The following PTPRD variants were observed in gnomAD, a reference collection of about 807,000 sequenced individuals.
The protein encoded by PTPRD is receptor-type tyrosine-protein phosphatase delta.
In PTPRD, 34 loss-of-function variants were observed where a neutral mutation model predicts 214.5. The ratio of observed to expected loss-of-function variants is 0.16; its 90% confidence interval spans 0.12 to 0.21. The LOEUF is 0.21. PTPRD is among the 10% of genes least tolerant of loss of function. The pLI is 1.00. For missense variants in PTPRD, 2,545 were observed against 2,398.7 expected (o/e 1.06, Z -1.27); for synonymous variants, 1,128 against 845.7 (o/e 1.33, Z -5.79).
At chr9:9,601,204 T>C (rs1010237523) in intron 7 of PTPRD, among the ~76,000 whole-genome samples, 4 of 150,888 alleles carry the variant, frequency 2.7e-5, no homozygotes, top group Non-Finnish European at 4.4e-5. Context: ...TGGAATTCAG[T>C]AATTAACTTG....
chr9:8,397,965 T>G (rs1156746085), intron 36 of PTPRD, among the ~76,000 whole-genome samples: 2 of 152,168 alleles, frequency 1.3e-5, no homozygotes, highest in Non-Finnish European at 2.9e-5. Context: ...TTGCCCCTGT[T>G]GAAATCTGTA....
chr9:8,799,398 G>T (rs778515121), intron 11 of PTPRD, among the ~76,000 whole-genome samples: 1 of 152,228 alleles, frequency 6.6e-6, no homozygotes, highest in Non-Finnish European at 1.5e-5. Context: ...GAAGTTCTTT[G>T]AAGTTTCCCT....
chr9:8,745,913 T>G (rs2092743937), intron 11 of PTPRD, among the ~76,000 whole-genome samples: 1 of 152,102 alleles, frequency 6.6e-6, no homozygotes, highest in East Asian at 1.9e-4. Flanking sequence ...TCCTCCCGCC[T>G]CTACCCCCAG....
chr9:10,603,571 G>C (rs2133453876), intron 2 of PTPRD, among the ~76,000 whole-genome samples: 1 of 151,988 alleles, frequency 6.6e-6, no homozygotes. Context: ...TAACCTCTAT[G>C]TGCTTTAGTT....
At chr9:9,275,102 A>AATATATTATATATATATT (rs1944668516) in intron 9 of PTPRD, among the ~76,000 whole-genome samples, 1 of 60,706 alleles carries the variant, frequency 1.6e-5, no homozygotes, top group Non-Finnish European at 3.1e-5. Context: ...TTATATATAT[A>AATATATTATATATATATT]ATATATTATA....
At chr9:10,208,337 AC>A (rs1272268952) in intron 3 of PTPRD, among the ~76,000 whole-genome samples, 2 of 152,126 alleles carry the variant, frequency 1.3e-5, no homozygotes, top group Admixed American at 6.6e-5. Flanking sequence ...ACACGGTGAA[AC>A]CCCGTCTCTA....
intron 3 of PTPRD, among the ~76,000 whole-genome samples, chr9:10,151,095 T>C (rs536328083): frequency 7.0e-6 from 1 of 142,524 alleles, no homozygotes; most frequent in Admixed American, 7.3e-5. Flanking sequence ...AGAGTCTTGC[T>C]CTGTTACCAG....
intron 11 of PTPRD, among the ~76,000 whole-genome samples, chr9:8,791,461 C>G (rs938178189): frequency 6.7e-6 from 1 of 150,262 alleles, no homozygotes; most frequent in Non-Finnish European, 1.5e-5. Context: ...CCTGACCTCA[C>G]GATCTGCCCA....
chr9:10,598,743 G>C (rs2077252546), intron 2 of PTPRD, among the ~76,000 whole-genome samples: 1 of 148,984 alleles, frequency 6.7e-6, no homozygotes, highest in Admixed American at 6.7e-5. Context: ...TAGATGGATA[G>C]ACAGAGAGGT....
chr9:10,149,779 G>A (rs1025723313), intron 3 of PTPRD, among the ~76,000 whole-genome samples: 6 of 149,874 alleles, frequency 4.0e-5, no homozygotes, highest in African/African-American at 1.5e-4. Flanking sequence ...CGTCCAGGCT[G>A]GAGTGCGGTG....
intron 7 of PTPRD, among the ~76,000 whole-genome samples, chr9:9,718,931 C>T (rs894472758): frequency 6.6e-6 from 1 of 152,156 alleles, no homozygotes; most frequent in Non-Finnish European, 1.5e-5. Context: ...CAGACAGGTT[C>T]CTAAGTGGGA....
intron 7 of PTPRD, among the ~76,000 whole-genome samples, chr9:9,692,638 G>GTT (rs869152689): frequency 1.1e-5 from 1 of 89,156 alleles, no homozygotes. Context: ...TAAATTTTAA[G>GTT]TTTTTTTTTT....
chr9:8,513,618 G>A (rs954937854), intron 21 of PTPRD, among the ~76,000 whole-genome samples: 2 of 152,038 alleles, frequency 1.3e-5, no homozygotes, highest in Admixed American at 6.6e-5. Flanking sequence ...GAGAAAAATT[G>A]CAGTGAAAAT....
At chr9:9,115,494 A>G (rs951244560) in intron 10 of PTPRD, among the ~76,000 whole-genome samples, 25 of 152,174 alleles carry the variant, frequency 1.6e-4, no homozygotes, top group Non-Finnish European at 3.2e-4. Context: ...GCTTGCATGA[A>G]TGAAGTGAAA....
rs1268907694 is a variant in PTPRD at position 8,376,780 on chromosome 9, AC to A, written c.4387-55del. The A allele has an allele frequency of 5.6e-6, 9 of 1,602,258 alleles. No individual in the cohort carries two copies. The African/African-American group carries it at 1.2e-4, about 22-fold the overall frequency. On this transcript the variant is annotated intron_variant, in intron 37 of 45. Coordinates refer to ENST00000381196, the MANE Select transcript of PTPRD (RefSeq NM_002839.4). The stretch of plus-strand genomic sequence containing the variant: ...CAAATGCTCATCAATTTCTCTATTA[AC>A]TTTGCTTTGAGTTGCTGTTGAAGGA...
chr9:10,121,786 T>C (rs1178834720), intron 3 of PTPRD, among the ~76,000 whole-genome samples: 1 of 152,110 alleles, frequency 6.6e-6, no homozygotes, highest in Non-Finnish European at 1.5e-5. Context: ...GTAGGTACCA[T>C]CCTGTTTCCA....
chr9:9,456,598 T>C (rs2093037085), intron 8 of PTPRD, among the ~76,000 whole-genome samples: 1 of 151,888 alleles, frequency 6.6e-6, no homozygotes, highest in African/African-American at 2.4e-5. Flanking sequence ...ACTATTAGCC[T>C]CTAACTATCA....
chr9:10,279,169 TCC>T (rs1377238669), intron 3 of PTPRD, among the ~76,000 whole-genome samples: 2 of 151,652 alleles, frequency 1.3e-5, no homozygotes, highest in Admixed American at 1.3e-4. Context: ...AATTCATCCC[TCC>T]ACTCTTGTCA....
At chr9:9,125,852 T>C (rs2099830985) in intron 10 of PTPRD, among the ~76,000 whole-genome samples, 1 of 151,982 alleles carries the variant, frequency 6.6e-6, no homozygotes, top group African/African-American at 2.4e-5. Flanking sequence ...TGGGGTAAAG[T>C]TGTTTTAGGC....
Sources: gnomAD v4.1 joint callset for allele counts (sites outside exome capture counted in the v4.1 genomes callset) on GRCh38, gnomAD v4.1.1 for gene constraint, MANE v1.5 for transcripts, NCBI Gene and HGNC (gene_info 2026-07-23, HGNC 2026-07-21) for gene names.